NCAM1: variants seen among roughly 807,000 people sequenced by gnomAD.
The protein encoded by NCAM1 is antigen recognized by monoclonal antibody 5.1H11.
NCAM1 carries 14 observed loss-of-function variants against 109.8 expected under a neutral mutation model. That is an observed-to-expected ratio of 0.13 (90% CI 0.08 to 0.20). The LOEUF is 0.20. Ranked by LOEUF, NCAM1 falls within the 10% of genes least tolerant of loss-of-function variation. The pLI, the probability that NCAM1 is intolerant of heterozygous loss-of-function variation, is 1.00. For synonymous variants in NCAM1, 418 were observed against 442.9 expected (o/e 0.94, Z 0.70); for missense variants, 774 against 1,109.9 (o/e 0.70, Z 4.30).
At chr11:113,019,042 T>C (rs1952300015) in intron 1 of NCAM1, among the ~76,000 whole-genome samples, 1 of 152,136 alleles carries the variant, frequency 6.6e-6, no homozygotes, top group African/African-American at 2.4e-5. Context: ...AGAGGATCCC[T>C]TCCACGTGAA....
chr11:113,197,133 G>GC, intron 1 of NCAM1: 1 of 178,258 alleles, frequency 5.6e-6, no homozygotes, highest in Non-Finnish European at 1.3e-5. Flanking sequence ...GGGGGAAACT[G>GC]CCCCCATGAC....
intron 1 of NCAM1, chr11:113,003,745 CT>C (rs1555072818): frequency 6.6e-6 from 1 of 152,220 alleles, no homozygotes. Context: ...GTAATTTTAA[CT>C]GTCTGTTTGA....
At chr11:113,202,475 G>A in intron 2 of NCAM1, 22 bp downstream of exon 2, 1 of 1,591,612 alleles carries the variant, frequency 6.3e-7, no homozygotes, top group Non-Finnish European at 8.5e-7. Flanking sequence ...GTGCTCAGCT[G>A]CATTTTAGAA....
chr11:113,107,335 T>G (rs1315792019), intron 1 of NCAM1, among the ~76,000 whole-genome samples: 1 of 152,214 alleles, frequency 6.6e-6, no homozygotes, highest in Non-Finnish European at 1.5e-5. Flanking sequence ...GAGAATTAAA[T>G]GAAATAATAT....
chr11:113,249,787 A>G (rs782339878), intron 15 of NCAM1, among the ~76,000 whole-genome samples: 32 of 152,190 alleles, frequency 2.1e-4, no homozygotes, highest in Non-Finnish European at 4.1e-4. Flanking sequence ...GGGAACTGGT[A>G]TTTTTGTGGT....
chr11:113,073,135 C>T (rs1239739192), intron 1 of NCAM1, among the ~76,000 whole-genome samples: 2 of 152,168 alleles, frequency 1.3e-5, no homozygotes, highest in Admixed American at 1.3e-4. Flanking sequence ...ATTTATTTCA[C>T]TTAGCATCAT....
intron 17 of NCAM1, chr11:113,262,967 C>A (rs1555123697): frequency 6.3e-7 from 1 of 1,595,794 alleles, no homozygotes; most frequent in African/African-American, 1.3e-5. Flanking sequence ...AAGCCCAGTT[C>A]CTATGAAAAA....
At chr11:113,251,068 T>C (rs1945665003) in intron 15 of NCAM1, among the ~76,000 whole-genome samples, 1 of 152,250 alleles carries the variant, frequency 6.6e-6, no homozygotes, top group Non-Finnish European at 1.5e-5. Flanking sequence ...CCCAAAGTGC[T>C]GGGATTACAG....
At chr11:113,135,735 T>C (rs1177557677) in intron 1 of NCAM1, among the ~76,000 whole-genome samples, 1 of 152,188 alleles carries the variant, frequency 6.6e-6, no homozygotes, top group Admixed American at 6.5e-5. Flanking sequence ...GGAGGCAAGG[T>C]GATTTAACAC....
Position 113,275,479 on chromosome 11 carries a change from C to T in NCAM1, c.*92C>T, listed in dbSNP as rs1057924. 1.4e-6 allele frequency: 2 copies of T among 1,465,292 alleles called. No homozygotes were observed. The highest frequency in any genetic ancestry group is 1.9e-6 in the Non-Finnish European group (2 of 1,077,220). 90.8% of individuals were successfully genotyped at this position (1,465,292 alleles called of 1,614,324 possible). A position where few individuals can be genotyped will look rare whatever the true frequency, so the allele number is the denominator to read the frequency against. On this transcript the variant is annotated 3_prime_UTR_variant, in exon 20 of 20. Coordinates refer to ENST00000316851, the MANE Select transcript of NCAM1 (RefSeq NM_181351.5). ...AACACCACAGACACACACACGCACG[C>T]ACACACACAAACACACATGCACACA...
chr11:113,083,555 A>G (rs1049976377), intron 1 of NCAM1, among the ~76,000 whole-genome samples: 14 of 152,318 alleles, frequency 9.2e-5, no homozygotes, highest in African/African-American at 3.4e-4. Flanking sequence ...CCCTATGGAA[A>G]GCACTTGACA....
intron 8 of NCAM1, among the ~76,000 whole-genome samples, chr11:113,217,474 C>T (rs782580264): frequency 2.6e-5 from 4 of 152,056 alleles, no homozygotes; most frequent in Non-Finnish European, 2.9e-5. Flanking sequence ...TTGTCTTATA[C>T]GAGATAGTTT....
chr11:113,083,153 G>T (rs184658237), intron 1 of NCAM1, among the ~76,000 whole-genome samples: 14 of 152,118 alleles, frequency 9.2e-5, no homozygotes, highest in Admixed American at 8.5e-4. Flanking sequence ...TCCTGGCCAT[G>T]TGGTGGGGTG....
chr11:113,185,360 G>T lies in NCAM1; in HGVS notation c.53-17019G>T, dbSNP rs1448528841. ...ATTAATCAGTCTTTTATTTTATTGA[G>T]ACCTTCAACTGACTGGATGAGGCAC... On this transcript the variant is annotated intron_variant, in intron 1 of 19. Coordinates refer to ENST00000316851, the MANE Select transcript of NCAM1 (RefSeq NM_181351.5). 2.6e-5 allele frequency among the ~76,000 whole-genome samples: 4 copies of T among 152,158 alleles called. No individual in the cohort carries two copies. In the East Asian group the frequency reaches 7.7e-4, roughly 29 times the overall value.
At chr11:112,965,344 A>G (rs1307349026) in intron 1 of NCAM1, among the ~76,000 whole-genome samples, 1 of 152,150 alleles carries the variant, frequency 6.6e-6, no homozygotes, top group Non-Finnish European at 1.5e-5. Context: ...AGAAGGAGAA[A>G]TTAGTCTGTA....
intron 1 of NCAM1, among the ~76,000 whole-genome samples, chr11:113,100,980 G>T (rs984796298): frequency 8.5e-5 from 13 of 152,118 alleles, no homozygotes; most frequent in African/African-American, 2.9e-4. Context: ...CTCTGAGTTT[G>T]CAAAGGAGAA....
chr11:113,231,393 T>A lies in NCAM1; in HGVS notation c.1090-252T>A, dbSNP rs1945001208. 3 of 1,196,206 alleles carry A rather than the reference T, an allele frequency of 2.5e-6. No homozygotes were observed. In the Admixed American group the frequency reaches 6.4e-5, roughly 26 times the overall value. 74.1% of individuals were successfully genotyped at this position (1,196,206 alleles called of 1,614,324 possible). ...CCCCAAACCAATCTTGGTACTTAGATCAGGCTGCCTGACATAACTGAGTCT... is the reference window on the plus strand; with the variant it reads ...CCCCAAACCAATCTTGGTACTTAGAACAGGCTGCCTGACATAACTGAGTCT... On this transcript the variant is annotated intron_variant, in intron 9 of 19. Coordinates refer to ENST00000316851, the MANE Select transcript of NCAM1 (RefSeq NM_181351.5).
At chr11:113,130,060 A>G (rs1379706017) in intron 1 of NCAM1, among the ~76,000 whole-genome samples, 1 of 152,150 alleles carries the variant, frequency 6.6e-6, no homozygotes, top group Non-Finnish European at 1.5e-5. Flanking sequence ...CATTAATTCA[A>G]ATAAGAAGAT....
At chr11:113,085,509 C>T (rs1193633184) in intron 1 of NCAM1, among the ~76,000 whole-genome samples, 4 of 152,144 alleles carry the variant, frequency 2.6e-5, no homozygotes, top group African/African-American at 7.2e-5. Context: ...AAACTTTTCT[C>T]CTTATTTTTT....
Sources: gnomAD v4.1 joint callset for allele counts (sites outside exome capture counted in the v4.1 genomes callset) on GRCh38, gnomAD v4.1.1 for gene constraint, MANE v1.5 for transcripts, NCBI Gene and HGNC (gene_info 2026-07-23, HGNC 2026-07-21) for gene names.